KREMEN1: variants seen among roughly 807,000 people sequenced by gnomAD.
The protein encoded by KREMEN1 is kringle containing transmembrane protein 1, also known as kremen protein 1.
A neutral mutation model predicts 46.5 loss-of-function variants in KREMEN1; 30 were observed. The observed-to-expected ratio is 0.65, with a 90% CI of 0.48 to 0.88. KREMEN1 has a LOEUF of 0.88. Ranked by LOEUF, KREMEN1 falls within the 40% of genes least tolerant of loss-of-function variation. The probability of loss-of-function intolerance (pLI) is 0.00; values close to 1 mark genes in which losing one functional copy is unlikely to be tolerated. For missense variants in KREMEN1, 533 were observed against 596.9 expected (o/e 0.89, Z 1.11); for synonymous variants, 214 against 230.6 (o/e 0.93, Z 0.65).
intron 9 of KREMEN1, among the ~76,000 whole-genome samples, chr22:29,159,464 C>CA (rs1306817201): frequency 6.6e-6 from 1 of 151,692 alleles, no homozygotes; most frequent in African/African-American, 2.4e-5. Flanking sequence ...ACTAAAAATA[C>CA]AAAAATTAGC....
intron 1 of KREMEN1, among the ~76,000 whole-genome samples, chr22:29,079,795 T>G (rs2037626864): frequency 6.6e-6 from 1 of 152,248 alleles, no homozygotes; most frequent in African/African-American, 2.4e-5. Flanking sequence ...TACATGTGCC[T>G]TAGTGTCCTA....
Position 29,110,146 on chromosome 22 carries a change from C to T in KREMEN1, c.352+11193C>T, listed in dbSNP as rs750127929. Among the ~76,000 whole-genome samples the T allele has an allele frequency of 1.1e-3, 169 of 152,210 alleles. 1 individual carries two copies. The highest frequency in any genetic ancestry group is 1.6e-3 in the Non-Finnish European group (106 of 68,036). On this transcript the variant is annotated intron_variant, in intron 3 of 8. Transcript: ENST00000400335. ...GTTCTCTGGGTCGACTGAGTTTCAGCTGAGTGGTTCTTCTGCTGCTGTCAC... is the reference window on the plus strand; with the variant it reads ...GTTCTCTGGGTCGACTGAGTTTCAGTTGAGTGGTTCTTCTGCTGCTGTCAC...
chr22:29,144,952 C>T lies in KREMEN1; in HGVS notation c.*2840C>T. On this transcript the variant is annotated 3_prime_UTR_variant, in exon 9 of 9. Coordinates refer to ENST00000400335, the MANE Select transcript of KREMEN1 (RefSeq NM_001039570.3). ...CTCGCCCTGGCATGGCCCAGCGCCT[C>T]TAGGATCAACTTACGATCCGTGGAG... 1.0e-6 allele frequency: 1 copy of T among 985,540 alleles called. No homozygotes were observed. The highest frequency in any genetic ancestry group is 1.2e-6 in the Non-Finnish European group (1 of 829,998). The allele number at this position is 985,540 out of a possible 1,614,324, so 61.0% of individuals were successfully genotyped here. A position where few individuals can be genotyped will look rare whatever the true frequency, so the allele number is the denominator to read the frequency against.
At position 29,144,640 on chromosome 22, in the gene KREMEN1, A is replaced by G. The variant is rs947280800; in HGVS notation, c.*2528A>G. ...TAAGTGTCAGGTGTGTGTCGTCCCA[A>G]CGGGTCCTGTGCTGTGAATAGATCC... On this transcript the variant is annotated 3_prime_UTR_variant, in exon 9 of 9. Coordinates refer to ENST00000400335, the MANE Select transcript of KREMEN1 (RefSeq NM_001039570.3). 2.0e-6 allele frequency: 2 copies of G among 985,382 alleles called. No homozygotes were observed. Among genetic ancestry groups the G allele is most frequent in the Admixed American group, 6.1e-5 (1 of 16,270 alleles). The allele number at this position is 985,382 out of a possible 1,614,324, so 61.0% of individuals were successfully genotyped here. A position where few individuals can be genotyped will look rare whatever the true frequency, so the allele number is the denominator to read the frequency against.
intron 4 of KREMEN1, among the ~76,000 whole-genome samples, chr22:29,122,433 T>G (rs2038370666): frequency 6.6e-6 from 1 of 152,204 alleles, no homozygotes; most frequent in Non-Finnish European, 1.5e-5. Flanking sequence ...GCACATACCT[T>G]AAAACTCAGC....
intron 3 of KREMEN1, among the ~76,000 whole-genome samples, chr22:29,105,511 ACT>A: frequency 6.7e-6 from 1 of 149,778 alleles, no homozygotes; most frequent in Non-Finnish European, 1.5e-5. Flanking sequence ...ACACACACAC[ACT>A]CTGATGAATT....
chr22:29,105,351 C>T lies in KREMEN1; in HGVS notation c.352+6398C>T, dbSNP rs546841861. ...CTGGGATGCCAGAGCTGCAGGACTA[C>T]ACTTTAAGTAGCAAGGTTCTAGATG... On this transcript the variant is annotated intron_variant, in intron 3 of 8. Coordinates refer to ENST00000400335, the MANE Select transcript of KREMEN1 (RefSeq NM_001039570.3). 1.5e-3 allele frequency among the ~76,000 whole-genome samples: 226 copies of T among 147,688 alleles called. 2 individuals are homozygous for T. Among genetic ancestry groups the T allele is most frequent in the African/African-American group, 5.4e-3 (219 of 40,666 alleles).
chr22:29,163,534 GC>G (rs1478900284), intron 9 of KREMEN1, among the ~76,000 whole-genome samples: 1 of 151,900 alleles, frequency 6.6e-6, no homozygotes, highest in East Asian at 1.9e-4. Flanking sequence ...CCACCACCAC[GC>G]CCAGCTAATT....
chr22:29,089,672 TAGAA>T, intron 1 of KREMEN1, among the ~76,000 whole-genome samples: 1 of 152,176 alleles, frequency 6.6e-6, no homozygotes, highest in Admixed American at 6.5e-5. Flanking sequence ...CCCTTACACT[TAGAA>T]CAAAAGCCAA....
intron 5 of KREMEN1, among the ~76,000 whole-genome samples, chr22:29,127,325 GT>G (rs1391029788): frequency 3.3e-5 from 5 of 152,238 alleles, no homozygotes; most frequent in Admixed American, 2.0e-4. Context: ...TTTACTACCT[GT>G]TTTTTGACTT....
chr22:29,095,020 CTTAG>C (rs553585284), intron 2 of KREMEN1, among the ~76,000 whole-genome samples: 105 of 152,290 alleles, frequency 6.9e-4, no homozygotes, highest in East Asian at 3.3e-3. Flanking sequence ...GGAGGGTTTT[CTTAG>C]TTAGCCCTAC....
chr22:29,120,329 T>A (rs58615532), intron 3 of KREMEN1, among the ~76,000 whole-genome samples: 3,948 of 53,576 alleles, frequency 0.074, 12 homozygotes, highest in African/African-American at 0.22. Context: ...GAGGTGATGA[T>A]GGAAACAGGG....
chr22:29,151,498 C>A (rs183041596), downstream of KREMEN1, among the ~76,000 whole-genome samples: 1 of 152,146 alleles, frequency 6.6e-6, no homozygotes, highest in Admixed American at 6.5e-5. Context: ...ATGACTCCAA[C>A]AAGCCCTGGA....
intron 3 of KREMEN1, among the ~76,000 whole-genome samples, chr22:29,119,984 C>T (rs1224868228): frequency 7.0e-4 from 99 of 141,060 alleles, no homozygotes; most frequent in African/African-American, 3.0e-3. Flanking sequence ...ACAGATGTGA[C>T]AATGGAAACA....
At chr22:29,165,556 C>T (rs1182614071) in intron 9 of KREMEN1, among the ~76,000 whole-genome samples, 1 of 152,142 alleles carries the variant, frequency 6.6e-6, no homozygotes, top group African/African-American at 2.4e-5. Flanking sequence ...TGGAGGCTGC[C>T]GCCCACCACG....
rs1006609880 is a variant in KREMEN1, at chr22:29,143,556, G to C, written c.*1444G>C. On this transcript the variant is annotated 3_prime_UTR_variant, in exon 9 of 9. Coordinates refer to ENST00000400335, the MANE Select transcript of KREMEN1 (RefSeq NM_001039570.3). ...AGGTGATCGAAACCATCCTGGCTAA[G>C]ATGGTGAAACCCCGTCTCTACTAAA... The C allele has an allele frequency of 4.0e-5, 32 of 805,642 alleles. No homozygotes were observed. Among genetic ancestry groups the C allele is most frequent in the Non-Finnish European group, 4.8e-5 (32 of 666,158 alleles). The allele number at this position is 805,642 out of a possible 1,614,324, so 49.9% of individuals were successfully genotyped here.
intron 5 of KREMEN1, among the ~76,000 whole-genome samples, chr22:29,127,012 A>G (rs2038455482): frequency 6.6e-6 from 1 of 152,234 alleles, no homozygotes; most frequent in Non-Finnish European, 1.5e-5. Context: ...CATTATTATA[A>G]GATTCTCTGC....
chr22:29,110,158 T>G lies in KREMEN1; in HGVS notation c.353-11199T>G, dbSNP rs150239428. On this transcript the variant is annotated intron_variant, in intron 3 of 8. Transcript: ENST00000400335. ...GACTGAGTTTCAGCTGAGTGGTTCTTCTGCTGCTGTCACCTGGGCTTAGTG... is the reference window on the plus strand; with the variant it reads ...GACTGAGTTTCAGCTGAGTGGTTCTGCTGCTGCTGTCACCTGGGCTTAGTG... 3.9e-4 allele frequency among the ~76,000 whole-genome samples: 60 copies of G among 152,360 alleles called. 1 individual carries two copies. The highest frequency in any genetic ancestry group is 3.3e-3 in the East Asian group (17 of 5,188).
Position 29,143,510 on chromosome 22 carries a change from A to G in KREMEN1, c.*1398A>G. 1 of 951,072 alleles carries G rather than the reference A, an allele frequency of 1.1e-6. No homozygotes were observed. The allele number at this position is 951,072 out of a possible 1,614,324, so 58.9% of individuals were successfully genotyped here. On this transcript the variant is annotated 3_prime_UTR_variant, in exon 9 of 9. Coordinates refer to ENST00000400335, the MANE Select transcript of KREMEN1 (RefSeq NM_001039570.3). ...GTAATCCCAGCACTTTGGGAGGCTG[A>G]GGCGGGTGGATCACGAGGTCAGGTG... is the stretch of plus-strand genomic sequence containing the variant.
Sources: gnomAD v4.1 joint callset for allele counts (sites outside exome capture counted in the v4.1 genomes callset) on GRCh38, gnomAD v4.1.1 for gene constraint, MANE v1.5 for transcripts, NCBI Gene and HGNC (gene_info 2026-07-23, HGNC 2026-07-21) for gene names.